The following ASIC2 variants were observed in gnomAD, a reference collection of about 807,000 sequenced individuals.
ASIC2 encodes the protein acid sensing ion channel subunit 2.
Under a neutral mutation model 57.3 loss-of-function variants are expected in ASIC2, and 25 were observed. The ratio of observed to expected loss-of-function variants is 0.44; its 90% CI spans 0.32 to 0.61. The LOEUF is 0.61. Among genes scored for constraint, ASIC2 ranks in the 20% least tolerant of loss-of-function variants. The pLI is 0.06. For synonymous variants in ASIC2, 319 were observed against 307.5 expected, an observed-to-expected ratio of 1.04 and a Z score of -0.39; for missense variants, 641 against 738.1, an observed-to-expected ratio of 0.87 and a Z score of 1.52.
intron 1 of ASIC2, among the ~76,000 whole-genome samples, chr17:33,414,636 C>T (rs1018237788): frequency 6.6e-6 from 1 of 152,192 alleles, no homozygotes; most frequent in African/African-American, 2.4e-5. Flanking sequence ...AATCTGAGGG[C>T]AGGTGCTCCA....
intron 1 of ASIC2, among the ~76,000 whole-genome samples, chr17:33,345,730 C>A (rs1907916098): frequency 6.6e-6 from 1 of 152,168 alleles, no homozygotes; most frequent in African/African-American, 2.4e-5. Flanking sequence ...GGAACAGATT[C>A]TGGATATGGT....
At chr17:33,578,029 T>G (rs1169869473) in intron 1 of ASIC2, among the ~76,000 whole-genome samples, 5 of 152,180 alleles carry the variant, frequency 3.3e-5, no homozygotes, top group Non-Finnish European at 7.3e-5. Context: ...CAGCGAGGAC[T>G]CAAGGACTGT....
chr17:33,641,641 C>T (rs1906567777), intron 1 of ASIC2, among the ~76,000 whole-genome samples: 1 of 152,168 alleles, frequency 6.6e-6, no homozygotes, highest in Admixed American at 6.5e-5. Flanking sequence ...CCAGAAGCCC[C>T]TCTTTTTGCA....
intron 1 of ASIC2, among the ~76,000 whole-genome samples, chr17:33,429,946 T>C (rs544696209): frequency 9.4e-4 from 143 of 152,224 alleles, no homozygotes; most frequent in African/African-American, 3.3e-3. Context: ...AGGGATCCAG[T>C]GCACAGGAAT....
At chr17:33,964,476 A>C (rs1905021260) in intron 1 of ASIC2, among the ~76,000 whole-genome samples, 1 of 152,234 alleles carries the variant, frequency 6.6e-6, no homozygotes, top group Non-Finnish European at 1.5e-5. Flanking sequence ...GGACCATGGT[A>C]AAATGAGGAA....
intron 1 of ASIC2, among the ~76,000 whole-genome samples, chr17:33,748,732 A>T (rs1325217064): frequency 6.6e-6 from 1 of 152,140 alleles, no homozygotes; most frequent in East Asian, 1.9e-4. Context: ...CGGCTCTAGA[A>T]CTCCAGGATG....
At chr17:34,024,442 CG>C (rs1198182966) in intron 1 of ASIC2, among the ~76,000 whole-genome samples, 1 of 152,206 alleles carries the variant, frequency 6.6e-6, no homozygotes, top group Non-Finnish European at 1.5e-5. Context: ...ATGCACTGGG[CG>C]GTGGCCCCAG....
At position 33,967,541 on chromosome 17, in the gene ASIC2, G is replaced by A. The variant is rs79235499; in HGVS notation, c.555+188437C>T. 3.5e-4 allele frequency among the ~76,000 whole-genome samples: 53 copies of A among 152,146 alleles called. No homozygotes were observed. In the East Asian group the frequency reaches 6.8e-3, roughly 19 times the overall value. ...TAAGCCATCACGCCTGGCCTGATTC[G>A]AATTCTTAAACACAACTTTGAAGGT... On this transcript the variant is annotated intron_variant, in intron 1 of 9. Transcript: ENST00000359872.
intron 1 of ASIC2, among the ~76,000 whole-genome samples, chr17:33,668,132 C>T (rs1383376889): frequency 6.6e-6 from 1 of 152,184 alleles, no homozygotes; most frequent in Non-Finnish European, 1.5e-5. Context: ...CCACCCTGTG[C>T]CTGCCCACAT....
At chr17:33,449,253 A>G (rs1047739581) in intron 1 of ASIC2, among the ~76,000 whole-genome samples, 1 of 152,052 alleles carries the variant, frequency 6.6e-6, no homozygotes, top group Admixed American at 6.6e-5. Context: ...TCTCATCATT[A>G]TCTCCCCAGA....
chr17:33,459,649 AT>A (rs1363089564), intron 1 of ASIC2, among the ~76,000 whole-genome samples: 1 of 152,194 alleles, frequency 6.6e-6, no homozygotes, highest in Non-Finnish European at 1.5e-5. Context: ...ATATTTCTAC[AT>A]ATTAAGCTGT....
At position 33,861,256 on chromosome 17, in the gene ASIC2, G is replaced by A. The variant is rs560599228; in HGVS notation, c.555+294722C>T. On this transcript the variant is annotated intron_variant, in intron 1 of 9. Coordinates refer to the ASIC2 transcript ENST00000359872. ...ATTAAAAGCCAGTATAAGGAATTTC[G>A]AATAACGTAGAAAATATTTAAGGTA... Among the ~76,000 whole-genome samples the A allele has an allele frequency of 9.3e-4, 142 of 152,190 alleles. 1 individual carries two copies. The South Asian group carries it at 0.024, about 26-fold the overall frequency.
chr17:34,012,221 C>T (rs1468130468), intron 1 of ASIC2, among the ~76,000 whole-genome samples: 1 of 152,182 alleles, frequency 6.6e-6, no homozygotes, highest in Non-Finnish European at 1.5e-5. Flanking sequence ...CCCCGAACCA[C>T]CATGACCCAA....
chr17:33,793,760 A>G lies in ASIC2; in HGVS notation c.555+362218T>C, dbSNP rs542619736. On this transcript the variant is annotated intron_variant, in intron 1 of 9. Transcript: ENST00000359872. Reference sequence around the variant, plus strand: ...CAGTCTGCTTTCATTGAATGCTTCTATCTACCAAGTCCGTGCCAAACAGCT... The same window carrying G: ...CAGTCTGCTTTCATTGAATGCTTCTGTCTACCAAGTCCGTGCCAAACAGCT... 6 of 152,316 alleles carry G rather than the reference A, an allele frequency of 3.9e-5. No individual in the cohort carries two copies. In the South Asian group the frequency reaches 1.0e-3, roughly 26 times the overall value. The allele number at this position is 152,316 out of a possible 1,614,324, so 9.4% of individuals were successfully genotyped here.
intron 1 of ASIC2, among the ~76,000 whole-genome samples, chr17:33,799,467 TTTCTTTCTTTCC>T (rs1357502943): frequency 6.6e-5 from 9 of 135,878 alleles, no homozygotes; most frequent in East Asian, 5.3e-4. Flanking sequence ...TCTTTCTTTC[TTTCTTTCTTTCC>T]TTCTTTCTTT....
At chr17:33,547,701 T>C (rs969375545) in intron 1 of ASIC2, among the ~76,000 whole-genome samples, 5 of 152,108 alleles carry the variant, frequency 3.3e-5, no homozygotes, top group African/African-American at 1.2e-4. Flanking sequence ...ATCCCCCCCA[T>C]CCTAATTAAT....
intron 1 of ASIC2, among the ~76,000 whole-genome samples, chr17:33,657,758 A>T (rs1034483792): frequency 2.6e-5 from 1 of 38,666 alleles, no homozygotes; most frequent in African/African-American, 1.1e-4. Flanking sequence ...GGCAGTTTCT[A>T]AAAAAAAAAA....
chr17:33,449,594 A>C (rs1912169803), intron 1 of ASIC2, among the ~76,000 whole-genome samples: 1 of 152,140 alleles, frequency 6.6e-6, no homozygotes, highest in South Asian at 2.1e-4. Flanking sequence ...GCTCCATGTG[A>C]ATTAATGTTC....
intron 1 of ASIC2, among the ~76,000 whole-genome samples, chr17:33,274,572 G>C (rs1904629384): frequency 6.6e-6 from 1 of 152,126 alleles, no homozygotes; most frequent in African/African-American, 2.4e-5. Context: ...GACAACACAG[G>C]CTCCTAGAAT....
Sources: gnomAD v4.1 joint callset for allele counts (sites outside exome capture counted in the v4.1 genomes callset) on GRCh38, gnomAD v4.1.1 for gene constraint, MANE v1.5 for transcripts, NCBI Gene and HGNC (gene_info 2026-07-23, HGNC 2026-07-21) for gene names.